The following EXOC4 variants were observed in gnomAD, a reference collection of about 807,000 sequenced individuals.
The protein encoded by EXOC4 is exocyst complex component 4.
EXOC4 carries 71 observed loss-of-function variants against 107.2 expected under a neutral mutation model. The observed-to-expected ratio is 0.66, with a 90% CI of 0.55 to 0.81. The LOEUF (loss-of-function observed/expected upper bound fraction) is 0.81, where lower values mean the gene tolerates loss of function less well. EXOC4 is among the 30% of genes least tolerant of loss of function. The probability of loss-of-function intolerance (pLI) is 0.00; values close to 1 mark genes in which losing one functional copy is unlikely to be tolerated. For synonymous variants in EXOC4, 456 were observed against 441.2 expected (o/e 1.03, Z -0.42); for missense variants, 1,108 against 1,189.6 (o/e 0.93, Z 1.01).
chr7:134,093,900 A>G, the EXOC4 span, among the ~76,000 whole-genome samples: 1 of 152,350 alleles, frequency 6.6e-6, no homozygotes, highest in South Asian at 2.1e-4. Context: ...ACATATCAAA[A>G]TCTCTGGCAT....
chr7:134,090,462 G>T, the EXOC4 span, among the ~76,000 whole-genome samples: 4 of 152,174 alleles, frequency 2.6e-5, no homozygotes, highest in African/African-American at 4.8e-5. Flanking sequence ...CACCAGATTT[G>T]CTACAGCTTA....
rs192042572 is a variant in EXOC4 at position 133,999,282 on chromosome 7, G to A, written c.2348+1649G>A. 3.9e-3 allele frequency among the ~76,000 whole-genome samples: 589 copies of A among 152,216 alleles called. 7 individuals are homozygous for A. Among genetic ancestry groups the A allele is most frequent in the Non-Finnish European group, 5.5e-3 (371 of 67,990 alleles). Reference sequence around the variant, plus strand: ...TTTGATAGGTGACCCTTGGGAATATGTTTGGACTCCAGTTAGAACTTGGAT... The same window carrying A: ...TTTGATAGGTGACCCTTGGGAATATATTTGGACTCCAGTTAGAACTTGGAT... On this transcript the variant is annotated intron_variant, in intron 15 of 17. Coordinates refer to ENST00000253861, the MANE Select transcript of EXOC4 (RefSeq NM_021807.4).
intron 9 of EXOC4, among the ~76,000 whole-genome samples, chr7:133,568,983 A>T (rs906115425): frequency 6.6e-6 from 1 of 152,144 alleles, no homozygotes; most frequent in Non-Finnish European, 1.5e-5. Context: ...CTTTCTACTG[A>T]TATTTTTTAG....
At position 133,330,164 on chromosome 7, in the gene EXOC4, G is replaced by T. The variant is rs762284472; in HGVS notation, c.763+12774G>T. The stretch of plus-strand genomic sequence containing the variant: ...GAGGCAATCTGGCCACAGCGGCCTT[G>T]CTGAGCTGTGGTGCACTCTGCCCAG... On this transcript the variant is annotated intron_variant, in intron 5 of 17. Coordinates refer to ENST00000253861, the MANE Select transcript of EXOC4 (RefSeq NM_021807.4). 3.3e-5 allele frequency among the ~76,000 whole-genome samples: 5 copies of T among 152,202 alleles called. No individual in the cohort carries two copies. The South Asian group carries it at 1.0e-3, about 32-fold the overall frequency.
intron 10 of EXOC4, among the ~76,000 whole-genome samples, chr7:133,783,879 A>G (rs921884628): frequency 1.3e-5 from 2 of 152,188 alleles, no homozygotes; most frequent in Admixed American, 1.3e-4. Flanking sequence ...TGATGGCATG[A>G]AGAAAAAGTT....
rs1419001397 is a variant in EXOC4, at chr7:133,879,334, A to C, written c.1735-16265A>C. Among the ~76,000 whole-genome samples, 2 of 151,130 alleles carry C rather than the reference A, an allele frequency of 1.3e-5. 1 individual carries two copies. Among genetic ancestry groups the C allele is most frequent in the South Asian group, 4.2e-4 (2 of 4,766 alleles). ...GGTCTCAAACTCCTGGGCTCAAGCAACTCTCCGTGTCGGCCTCCCTAAGTG... is the reference window on the plus strand; with the variant it reads ...GGTCTCAAACTCCTGGGCTCAAGCACCTCTCCGTGTCGGCCTCCCTAAGTG... On this transcript the variant is annotated intron_variant, in intron 11 of 17. Coordinates refer to ENST00000253861, the MANE Select transcript of EXOC4 (RefSeq NM_021807.4).
intron 7 of EXOC4, among the ~76,000 whole-genome samples, chr7:133,376,864 T>A (rs1387638917): frequency 1.3e-5 from 2 of 152,216 alleles, no homozygotes; most frequent in Non-Finnish European, 2.9e-5. Context: ...ACCAAGCCTC[T>A]ATTTTATCAT....
At chr7:133,475,277 G>A (rs1366338126) in intron 7 of EXOC4, 51 bp from the exon 8 acceptor site, 6 of 1,427,036 alleles carry the variant, frequency 4.2e-6, no homozygotes, top group East Asian at 4.6e-5. Flanking sequence ...TTTCTTAATT[G>A]CACATTAAAA....
chr7:133,594,518 C>T (rs571257501), intron 9 of EXOC4, among the ~76,000 whole-genome samples: 10 of 10,366 alleles, frequency 9.6e-4, no homozygotes, highest in Admixed American at 5.8e-3. Context: ...TTTTTTGAGA[C>T]GGAGTCTCGC....
At chr7:133,468,417 T>G (rs1798785985) in intron 7 of EXOC4, among the ~76,000 whole-genome samples, 1 of 152,198 alleles carries the variant, frequency 6.6e-6, no homozygotes, top group African/African-American at 2.4e-5. Flanking sequence ...TTTCTGTTAT[T>G]TTTTCTGTTA....
intron 9 of EXOC4, among the ~76,000 whole-genome samples, chr7:133,555,575 T>C (rs1159353973): frequency 6.6e-6 from 1 of 152,154 alleles, no homozygotes; most frequent in Non-Finnish European, 1.5e-5. Context: ...TTTAGCATCT[T>C]TTTGCTATTT....
chr7:133,827,881 C>T (rs958058928), intron 11 of EXOC4, among the ~76,000 whole-genome samples: 1 of 152,130 alleles, frequency 6.6e-6, no homozygotes, highest in African/African-American at 2.4e-5. Context: ...TGCCAAGAAA[C>T]TTGTCTGAGC....
At chr7:133,888,045 T>G (rs776823434) in intron 11 of EXOC4, among the ~76,000 whole-genome samples, 1 of 152,154 alleles carries the variant, frequency 6.6e-6, no homozygotes, top group African/African-American at 2.4e-5. Context: ...GAGGTTTGCC[T>G]TATAGAATAT....
At chr7:133,935,871 A>G (rs1164842285) in intron 13 of EXOC4, among the ~76,000 whole-genome samples, 2 of 152,162 alleles carry the variant, frequency 1.3e-5, no homozygotes, top group Non-Finnish European at 2.9e-5. Flanking sequence ...TTTCATAATT[A>G]TTGAAATTTT....
chr7:133,909,658 T>G lies in EXOC4; in HGVS notation c.1872-7925T>G, dbSNP rs936327158. Among the ~76,000 whole-genome samples, 13 of 152,190 alleles carry G rather than the reference T, an allele frequency of 8.5e-5. 1 individual carries two copies. The highest frequency in any genetic ancestry group is 6.2e-4 in the South Asian group (3 of 4,832). On this transcript the variant is annotated intron_variant, in intron 12 of 17. Transcript: ENST00000253861. ...AAAACATAGCCAGACTGAGCCCCAC[T>G]TCAGACTGTGAAACTGATGTATTTT...
intron 7 of EXOC4, among the ~76,000 whole-genome samples, chr7:133,391,130 A>G (rs539208187): frequency 5.3e-5 from 8 of 152,352 alleles, no homozygotes; most frequent in Admixed American, 2.0e-4. Flanking sequence ...GAGTGGCACA[A>G]ACATTTTTTG....
At chr7:133,782,141 T>G (rs1796481365) in intron 10 of EXOC4, among the ~76,000 whole-genome samples, 1 of 152,184 alleles carries the variant, frequency 6.6e-6, no homozygotes, top group African/African-American at 2.4e-5. Context: ...AAGACCATAT[T>G]GGCTTCCTTA....
chr7:133,861,891 C>A (rs1184276527), intron 11 of EXOC4, among the ~76,000 whole-genome samples: 1 of 152,110 alleles, frequency 6.6e-6, no homozygotes, highest in Non-Finnish European at 1.5e-5. Flanking sequence ...GTTTCCTGGA[C>A]CTGCTTTGAG....
At chr7:133,535,279 C>T (rs928171104) in intron 9 of EXOC4, among the ~76,000 whole-genome samples, 10 of 152,084 alleles carry the variant, frequency 6.6e-5, no homozygotes, top group South Asian at 4.1e-4. Flanking sequence ...GTTACCCTCC[C>T]GGTAAGTAAA....
Sources: allele counts gnomAD v4.1 joint callset (sites outside exome capture counted in the v4.1 genomes callset), GRCh38; gene constraint gnomAD v4.1.1; transcripts MANE v1.5; gene names NCBI Gene and HGNC (gene_info 2026-07-23, HGNC 2026-07-21).